Variants in CLDN16 observed in about 807,000 individuals in gnomAD.
CLDN16 encodes claudin-16.
CLDN16 carries 13 observed loss-of-function variants against 24.6 expected under a neutral mutation model. The observed-to-expected ratio is 0.53, with a 90% confidence interval of 0.34 to 0.84. The LOEUF (loss-of-function observed/expected upper bound fraction) is 0.84, where lower values mean the gene tolerates loss of function less well. Among genes scored for constraint, CLDN16 ranks in the 40% least tolerant of loss-of-function variants. The pLI, the probability that CLDN16 is intolerant of heterozygous loss-of-function variation, is 0.01. For synonymous variants in CLDN16, 116 were observed against 106.7 expected (o/e 1.09, Z -0.54); for missense variants, 298 against 292.7 (o/e 1.02, Z -0.13).
At chr3:190,294,842 G>T in the CLDN16 span, among the ~76,000 whole-genome samples, 4 of 152,114 alleles carry the variant, frequency 2.6e-5, no homozygotes, top group East Asian at 1.9e-4. Context: ...AAAATGTCTT[G>T]CAAACTCAGT....
At chr3:190,324,369 G>T (rs1301971640) in intron 1 of CLDN16, among the ~76,000 whole-genome samples, 1 of 152,018 alleles carries the variant, frequency 6.6e-6, no homozygotes, top group Non-Finnish European at 1.5e-5. Context: ...TGTAATTCCA[G>T]CTACTTGGGA....
the CLDN16 span, among the ~76,000 whole-genome samples, chr3:190,308,756 T>C: frequency 1.3e-5 from 2 of 152,184 alleles, no homozygotes; most frequent in African/African-American, 4.8e-5. Flanking sequence ...AGGGTTTGGA[T>C]CATGGTTCCT....
At chr3:190,377,425 G>T (rs1209036121) in intron 3 of CLDN16, among the ~76,000 whole-genome samples, 2 of 151,778 alleles carry the variant, frequency 1.3e-5, no homozygotes, top group Non-Finnish European at 2.9e-5. Flanking sequence ...ATAAGAGTTT[G>T]TACTCTTGGG....
chr3:190,364,001 G>T (rs988187888), intron 1 of CLDN16, among the ~76,000 whole-genome samples: 3 of 151,916 alleles, frequency 2.0e-5, no homozygotes, highest in African/African-American at 4.8e-5. Context: ...ATTGGAGATT[G>T]TCTTCTCACT....
intron 1 of CLDN16, among the ~76,000 whole-genome samples, chr3:190,329,133 A>G (rs1052236589): frequency 1.3e-5 from 2 of 151,974 alleles, no homozygotes; most frequent in African/African-American, 4.8e-5. Context: ...TTTGGGGGGG[A>G]GGCAGAAGGA....
At chr3:190,308,080 G>C in the CLDN16 span, 5 of 610,442 alleles carry the variant, frequency 8.2e-6, no homozygotes, top group African/African-American at 9.3e-5. Flanking sequence ...CCTATATTGA[G>C]GAAAGAAGAT....
In CLDN16 at chr3:190,409,966, C is replaced by T. The variant is rs776710987; in HGVS notation, c.638C>T (p.Ser213Phe). The change falls in exon 5 of 5, where the codon TCC becomes TTC. Residue 213 changes from serine (S) to phenylalanine (F), a missense_variant. Physicochemically the swap from Ser to Phe is radical, Grantham distance 155. Coordinates refer to ENST00000264734, the MANE Select transcript of CLDN16 (RefSeq NM_006580.4). ...LRKAYSAAGV[S>F]MAKSYSAPRT... ...AAAGCCTATTCAGCCGCGGGTGTTT[C>T]CATGGCCAAGTCATACTCAGCCCCT... 1.2e-6 allele frequency: 2 copies of T among 1,613,998 alleles called. No individual in the cohort carries two copies. The highest frequency in any genetic ancestry group is 1.7e-5 in the Admixed American group (1 of 59,992).
the CLDN16 span, among the ~76,000 whole-genome samples, chr3:190,302,442 T>C: frequency 6.6e-6 from 1 of 152,178 alleles, no homozygotes; most frequent in African/African-American, 2.4e-5. Context: ...ATTTCCATTA[T>C]TGCAGAAAAT....
At chr3:190,362,443 C>T (rs889824336) in intron 1 of CLDN16, among the ~76,000 whole-genome samples, 1 of 151,906 alleles carries the variant, frequency 6.6e-6, no homozygotes, top group Non-Finnish European at 1.5e-5. Context: ...TCAGCACTCC[C>T]CACTTCCTGA....
chr3:190,326,124 T>C (rs1717055372), intron 1 of CLDN16, among the ~76,000 whole-genome samples: 1 of 152,218 alleles, frequency 6.6e-6, no homozygotes, highest in African/African-American at 2.4e-5. Context: ...CATTTTTTCT[T>C]CTTTTGAATG....
intron 1 of CLDN16, among the ~76,000 whole-genome samples, chr3:190,326,354 T>C (rs1230584079): frequency 1.3e-5 from 2 of 152,200 alleles, no homozygotes; most frequent in Non-Finnish European, 2.9e-5. Flanking sequence ...CTGAATGTCA[T>C]AGTTAAATCG....
At chr3:190,322,252 A>C, upstream of CLDN16, 1 of 1,577,364 alleles carries the variant, frequency 6.3e-7, no homozygotes, top group East Asian at 2.2e-5. Flanking sequence ...CAGGTGCAGA[A>C]GGCGGAGAGT....
chr3:190,399,620 T>C (rs1443713362), intron 1 of CLDN16, among the ~76,000 whole-genome samples: 1 of 152,212 alleles, frequency 6.6e-6, no homozygotes, highest in Non-Finnish European at 1.5e-5. Context: ...TGTATAGTGA[T>C]CCCATTAGGG....
intron 1 of CLDN16, among the ~76,000 whole-genome samples, chr3:190,357,777 A>G (rs1307590054): frequency 6.6e-6 from 1 of 151,902 alleles, no homozygotes; most frequent in East Asian, 1.9e-4. Flanking sequence ...TATGCTTGTA[A>G]AATCAAACCA....
At chr3:190,347,942 C>T (rs373920668) in intron 1 of CLDN16, among the ~76,000 whole-genome samples, 8 of 151,756 alleles carry the variant, frequency 5.3e-5, no homozygotes, top group African/African-American at 1.9e-4. Context: ...GGCGAGGAAT[C>T]GGTAGAAGAT....
rs1366697751 is a variant in CLDN16, at chr3:190,410,008, A to G, written c.680A>G (p.Lys227Arg). 6.2e-7 allele frequency: 1 copy of G among 1,614,114 alleles called. No individual in the cohort carries two copies. The highest frequency in any genetic ancestry group is 1.1e-5 in the South Asian group (1 of 91,088). The stretch of plus-strand genomic sequence containing the variant: ...TCAGCCCCTCGCACAGAGACGGCCA[A>G]AATGTATGCTGTAGACACAAGGGTG... Reference protein sequence around the residue: ...SYSAPRTETAKMYAVDTRV With the variant: ...SYSAPRTETARMYAVDTRV The change falls in exon 5 of 5, where the codon AAA (lysine) becomes AGA (arginine). Residue 227 changes from lysine (K) to arginine (R), a missense_variant. Coordinates refer to ENST00000264734, the MANE Select transcript of CLDN16 (RefSeq NM_006580.4).
the CLDN16 span, among the ~76,000 whole-genome samples, chr3:190,296,509 T>A: frequency 2.0e-5 from 3 of 151,484 alleles, no homozygotes; most frequent in African/African-American, 7.3e-5. Flanking sequence ...AGGAGAGTAA[T>A]AACGTATGAG....
chr3:190,387,362 G>GT (rs11391446), upstream of CLDN16, among the ~76,000 whole-genome samples: 83,592 of 151,094 alleles, frequency 0.55, 24,512 homozygotes, highest in East Asian at 0.84. Flanking sequence ...TAATATAACA[G>GT]TTTTTTTTTC....
Position 190,402,381 on chromosome 3 carries a change from T to C in CLDN16, c.159T>C (p.Asn53=). Residue 53 remains asparagine (N), a synonymous_variant, in exon 2 of 5, where the codon AAT becomes AAC. Coordinates refer to ENST00000264734, the MANE Select transcript of CLDN16 (RefSeq NM_006580.4). ...GCCTCTGGTGGGAATGCGTCACAAA[T>C]GCTTTTGATGGGATTCGCACCTGTG... ...CRGLWWECVT[N]AFDGIRTCDE... 6.2e-7 allele frequency: 1 copy of C among 1,614,044 alleles called. No homozygotes were observed. Among genetic ancestry groups the C allele is most frequent in the Non-Finnish European group, 8.5e-7 (1 of 1,180,006 alleles).
Sources: gnomAD v4.1 joint callset for allele counts (sites outside exome capture counted in the v4.1 genomes callset) on GRCh38, gnomAD v4.1.1 for gene constraint, MANE v1.5 for transcripts, NCBI Gene and HGNC (gene_info 2026-07-23, HGNC 2026-07-21) for gene names.